Variants in SLC5A9 observed in about 807,000 individuals in gnomAD.
SLC5A9 encodes the protein solute carrier family 5 member 9, also known as sodium/glucose cotransporter 4.
SLC5A9 carries 59 observed loss-of-function variants against 70.9 expected under a neutral mutation model. That is an observed-to-expected ratio of 0.83 (90% CI 0.68 to 1.03). The LOEUF (loss-of-function observed/expected upper bound fraction) is 1.03. Among genes scored for constraint, SLC5A9 ranks in the 50% least tolerant of loss-of-function variants. SLC5A9 has a pLI of 0.00. For synonymous variants in SLC5A9, 340 were observed against 346.5 expected (o/e 0.98, Z 0.21); for missense variants, 832 against 881.1 (o/e 0.94, Z 0.71).
chr1:48,237,843 A>G lies in SLC5A9; in HGVS notation c.1457A>G (p.Glu486Gly), dbSNP rs1416781455. ...GCCATCTTCTGCAAGAGGGTCACAG[A>G]GCCCGTGAGTGCAGTGTACCTGTCT... The part of the protein sequence containing the change: ...LLAIFCKRVT[E>G]PGAFWGLVFG... Residue 486 changes from glutamate to glycine, a missense_variant, in exon 11 of 14, where the codon GAG (glutamate) becomes GGG (glycine). Coordinates refer to ENST00000438567, the MANE Select transcript of SLC5A9 (RefSeq NM_001011547.3). The G allele has an allele frequency of 6.2e-7, 1 of 1,614,052 alleles. No homozygotes were observed. Among genetic ancestry groups the G allele is most frequent in the South Asian group, 1.1e-5 (1 of 91,072 alleles).
intron 12 of SLC5A9, among the ~76,000 whole-genome samples, chr1:48,240,011 G>T (rs1243979392): frequency 6.6e-6 from 1 of 152,156 alleles, no homozygotes; most frequent in Non-Finnish European, 1.5e-5. Context: ...CAAGAGAAAA[G>T]AAACAGAGAG....
chr1:48,229,600 T>C (rs1644219313), intron 4 of SLC5A9, 141 bp downstream of exon 4: 4 of 1,371,904 alleles, frequency 2.9e-6, no homozygotes, highest in East Asian at 2.4e-5. Context: ...AAACATTTAA[T>C]GCATGTTCTG....
At position 48,247,798 on chromosome 1, in the gene SLC5A9, G is replaced by A. The variant is rs1644476474; in HGVS notation, c.*255G>A. On this transcript the variant is annotated 3_prime_UTR_variant, in exon 14 of 14. Transcript: ENST00000438567. Reference sequence around the variant, plus strand: ...GTTTCCCCACTCTTTCTGATATATTGCCTTACAGACCTACCTCAAACACAC... The same window carrying A: ...GTTTCCCCACTCTTTCTGATATATTACCTTACAGACCTACCTCAAACACAC... The A allele has an allele frequency of 5.5e-6, 3 of 546,750 alleles. No homozygotes were observed. The highest frequency in any genetic ancestry group is 9.9e-6 in the Non-Finnish European group (3 of 303,972). The allele number at this position is 546,750 out of a possible 1,614,324, so 33.9% of individuals were successfully genotyped here.
At chr1:48,230,457 C>T (rs1296808501) in intron 4 of SLC5A9, 143 bp from the exon 5 acceptor site, 4 of 632,270 alleles carry the variant, frequency 6.3e-6, no homozygotes, top group Non-Finnish European at 1.1e-5. Flanking sequence ...ACCCACACTC[C>T]TTAGCATAGC....
Position 48,229,409 on chromosome 1 carries a change from G to A in SLC5A9, c.454G>A (p.Val152Met), listed in dbSNP as rs212989. The A allele has an allele frequency of 0.16, 257,394 of 1,613,922 alleles. 22,384 individuals carry two copies. The highest frequency in any genetic ancestry group is 0.31 in the African/African-American group (23,247 of 74,930). Reference sequence around the variant, plus strand: ...GCGATTTGGGGGCCAGAGGATCCAGGTGTACATGTCTGTCCTGTCTCTCAT... The same window carrying A: ...GCGATTTGGGGGCCAGAGGATCCAGATGTACATGTCTGTCCTGTCTCTCAT... ...KKRFGGQRIQ[V>M]YMSVLSLILY... The change falls in exon 4 of 14, where the codon GTG (valine) becomes ATG (methionine). Residue 152 changes from valine to methionine, a missense_variant. Transcript: ENST00000438567.
chr1:48,224,602 C>T, intron 1 of SLC5A9, 122 bp from the exon 2 acceptor site: 1 of 921,122 alleles, frequency 1.1e-6, no homozygotes, highest in Non-Finnish European at 1.7e-6. Flanking sequence ...TCTTCTGCCT[C>T]AGTTTTCACC....
intron 8 of SLC5A9, among the ~76,000 whole-genome samples, chr1:48,232,909 A>G (rs1644271736): frequency 7.4e-6 from 1 of 135,034 alleles, no homozygotes; most frequent in African/African-American, 2.6e-5. Context: ...AAGGAAGGAG[A>G]AGAAAGGAAG....
chr1:48,229,587 T>A, intron 4 of SLC5A9, 128 bp downstream of exon 4: 1 of 1,459,110 alleles, frequency 6.9e-7, no homozygotes, highest in Non-Finnish European at 9.2e-7. Context: ...AAGCAGGACC[T>A]ATAAACATTT....
Position 48,239,177 on chromosome 1 carries a change from G to A in SLC5A9, c.1462-145G>A. On this transcript the variant is annotated intron_variant, in intron 11 of 13. Coordinates refer to ENST00000438567, the MANE Select transcript of SLC5A9 (RefSeq NM_001011547.3). The surrounding 1 kb of genome is among the most constrained non-coding windows in gnomAD (Gnocchi z 4.2). Reference sequence around the variant, plus strand: ...GTCAAGACGAAGTCTCAGTATTAATGGAGAACTCATTTTCCCATTAGTAGA... The same window carrying A: ...GTCAAGACGAAGTCTCAGTATTAATAGAGAACTCATTTTCCCATTAGTAGA... 1 of 636,150 alleles carries A rather than the reference G, an allele frequency of 1.6e-6. No homozygotes were observed. The highest frequency in any genetic ancestry group is 2.0e-5 in the South Asian group (1 of 49,614). 39.4% of individuals were successfully genotyped at this position (636,150 alleles called of 1,614,324 possible). A position where few individuals can be genotyped will look rare whatever the true frequency, so the allele number is the denominator to read the frequency against.
rs538264146 is a variant in SLC5A9 at position 48,235,717 on chromosome 1, G to T, written c.1142-12G>T. 6.2e-7 allele frequency: 1 copy of T among 1,613,972 alleles called. No homozygotes were observed. Among genetic ancestry groups the T allele is most frequent in the African/African-American group, 1.3e-5 (1 of 75,000 alleles). On this transcript the variant is annotated splice_polypyrimidine_tract_variant and intron_variant, in intron 9 of 13. Transcript: ENST00000438567. Reference sequence around the variant, plus strand: ...TGGGCCAGCCGTTCACATGAGCCTCGTCTCTCCCCAGGTCTGCGGGGGCTG... The same window carrying T: ...TGGGCCAGCCGTTCACATGAGCCTCTTCTCTCCCCAGGTCTGCGGGGGCTG...
In SLC5A9 at chr1:48,242,590, C is replaced by T. The variant is rs577887479; in HGVS notation, c.1811C>T (p.Ser604Leu). 17 of 1,612,070 alleles carry T rather than the reference C, an allele frequency of 1.1e-5. No individual in the cohort carries two copies. The South Asian group carries it at 1.1e-4, about 10-fold the overall frequency. The change falls in exon 13 of 14, where the codon TCG becomes TTG. Residue 604 changes from serine to leucine, a missense_variant. Physicochemically the swap from Ser to Leu is moderately radical, Grantham distance 145. Coordinates refer to ENST00000438567, the MANE Select transcript of SLC5A9 (RefSeq NM_001011547.3). ...GCAGGAGGTGGAGCGGCAGAGAACT[C>T]GAGCCTGGGCCAGGAGCAGCCTGAA... ...CPAGGGAAEN[S>L]SLGQEQPEAP...
In SLC5A9 at chr1:48,231,543, AG is replaced by A; in HGVS notation, c.611del. ...TGATGAGCCCTCTCCTTGGGTCCCC[AG>A]GTGGCCTCATGGCCGTGATCTACAC... On this transcript the variant is annotated splice_acceptor_variant, in intron 5 of 13. Transcript: ENST00000438567. LOFTEE classifies it high-confidence loss of function. The A allele has an allele frequency of 6.5e-7, 1 of 1,539,678 alleles. No individual in the cohort carries two copies.
chr1:48,237,957 C>T, intron 11 of SLC5A9, 110 bp downstream of exon 11: 1 of 1,164,338 alleles, frequency 8.6e-7, no homozygotes, highest in Non-Finnish European at 1.2e-6. Context: ...TCTAGGCTTC[C>T]ATTTTCCTGA....
At chr1:48,247,168 T>C (rs1386574866) in intron 13 of SLC5A9, among the ~76,000 whole-genome samples, 167 bp from the exon 14 acceptor site, 1 of 152,148 alleles carries the variant, frequency 6.6e-6, no homozygotes, top group Non-Finnish European at 1.5e-5. Context: ...TTGCAGAAAG[T>C]ACAAGTCTAT....
In SLC5A9 at chr1:48,239,562, C is replaced by T; in HGVS notation, c.1677+25C>T. 2 of 1,603,144 alleles carry T rather than the reference C, an allele frequency of 1.2e-6. No homozygotes were observed. The highest frequency in any genetic ancestry group is 8.5e-7 in the Non-Finnish European group (1 of 1,170,130). Reference sequence around the variant, plus strand: ...GGCAAGTGTTGTGCTCATACTGAGGCCCTCCAGAAATGCTCTCCCTTCCCC... The same window carrying T: ...GGCAAGTGTTGTGCTCATACTGAGGTCCTCCAGAAATGCTCTCCCTTCCCC... On this transcript the variant is annotated intron_variant, in intron 12 of 13. Transcript: ENST00000438567. This position sits in a 1 kb window ranked among gnomAD's most constrained non-coding sequence, Gnocchi z 4.2.
rs747273015 is a variant in SLC5A9, at chr1:48,247,498, C to T, written c.2001C>T (p.Val667=). The stretch of plus-strand genomic sequence containing the variant: ...GACATGTCTGCAACATCAATGCTGT[C>T]CTTTTGCTGGCCATCAACATCTTCC... ...LWRHVCNINA[V]LLLAINIFLW... is the part of the protein sequence containing the mutation. The change falls in exon 14 of 14, where the codon GTC becomes GTT. Residue 667 remains valine (V), a synonymous_variant. Coordinates refer to ENST00000438567, the MANE Select transcript of SLC5A9 (RefSeq NM_001011547.3). 3.1e-6 allele frequency: 5 copies of T among 1,614,194 alleles called. No homozygotes were observed. In the South Asian group the frequency reaches 4.4e-5, roughly 14 times the overall value.
At chr1:48,242,260 G>A (rs1199118227) in intron 12 of SLC5A9, 197 bp from the exon 13 acceptor site, 3 of 610,982 alleles carry the variant, frequency 4.9e-6, no homozygotes, top group Non-Finnish European at 8.6e-6. Context: ...TAGAGCACCT[G>A]GTGTAGAGCA....
intron 2 of SLC5A9, among the ~76,000 whole-genome samples, chr1:48,224,996 A>G (rs1461687759): frequency 6.6e-6 from 1 of 152,056 alleles, no homozygotes; most frequent in Admixed American, 6.5e-5. Context: ...ACCTTGGACA[A>G]ACATCCCCTG....
At chr1:48,230,547 A>T (rs910208235) in intron 4 of SLC5A9, 53 bp from the exon 5 acceptor site, 22 of 1,273,872 alleles carry the variant, frequency 1.7e-5, no homozygotes, top group Non-Finnish European at 2.5e-5. Context: ...TGTCCATACA[A>T]CCCTACTGAG....
Sources: gnomAD v4.1 joint callset for allele counts (sites outside exome capture counted in the v4.1 genomes callset) on GRCh38, gnomAD v4.1.1 for gene constraint, Gnocchi (gnomAD v3.1) non-coding constraint, MANE v1.5 for transcripts, NCBI Gene and HGNC (gene_info 2026-07-23, HGNC 2026-07-21) for gene names.